WWC1: variants seen among roughly 807,000 people sequenced by gnomAD.
WWC1 encodes the protein WW and C2 domain containing 1.
In WWC1, 55 loss-of-function variants were observed where a neutral mutation model predicts 138.4. That is an observed-to-expected ratio of 0.40 (90% CI 0.32 to 0.50). WWC1 has a LOEUF of 0.50. Among genes scored for constraint, WWC1 ranks in the 20% least tolerant of loss-of-function variants. WWC1 has a pLI of 0.72. For missense variants in WWC1, 1,226 were observed against 1,420.4 expected (o/e 0.86, Z 2.20); for synonymous variants, 524 against 564.9 (o/e 0.93, Z 1.03).
intron 17 of WWC1, among the ~76,000 whole-genome samples, chr5:168,451,651 G>A (rs1479756036): frequency 6.6e-6 from 1 of 152,174 alleles, no homozygotes; most frequent in South Asian, 2.1e-4. Flanking sequence ...GCGACAGTGA[G>A]CTATGATCAC....
Position 168,292,223 on chromosome 5 carries a change from A to T in WWC1, c.71A>T (p.Tyr24Phe), listed in dbSNP as rs1034919767. Residue 24 changes from tyrosine to phenylalanine, a missense_variant, in exon 1 of 23, where the codon TAC (tyrosine) becomes TTC (phenylalanine). Coordinates refer to ENST00000265293, the MANE Select transcript of WWC1 (RefSeq NM_015238.3). The surrounding 1 kb of genome is among the most constrained non-coding windows in gnomAD (Gnocchi z 4.4). ...CGCGACTTCGACGGCAAGGTCTACTACATAGACCACACGAACCGCACCACC... is the reference window on the plus strand; with the variant it reads ...CGCGACTTCGACGGCAAGGTCTACTTCATAGACCACACGAACCGCACCACC... ...EARDFDGKVY[Y>F]IDHTNRTTSW... 2 of 1,588,292 alleles carry T rather than the reference A, an allele frequency of 1.3e-6. No homozygotes were observed. The highest frequency in any genetic ancestry group is 1.2e-5 in the South Asian group (1 of 86,952).
chr5:168,466,817 A>G (rs747201787), intron 21 of WWC1, among the ~76,000 whole-genome samples: 6 of 152,154 alleles, frequency 3.9e-5, no homozygotes, highest in South Asian at 2.1e-4. Context: ...ACAAGTGCCT[A>G]TGTGCCCTAC....
rs1757618869 is a variant in WWC1, at chr5:168,470,371, C to A, written c.*1354C>A. 6.6e-6 allele frequency: 1 copy of A among 152,106 alleles called. No individual in the cohort carries two copies. Among genetic ancestry groups the A allele is most frequent in the Non-Finnish European group, 1.5e-5 (1 of 68,080 alleles). The allele number at this position is 152,106 out of a possible 1,614,324, so 9.4% of individuals were successfully genotyped here. On this transcript the variant is annotated 3_prime_UTR_variant, in exon 23 of 23. Coordinates refer to ENST00000265293, the MANE Select transcript of WWC1 (RefSeq NM_015238.3). The stretch of plus-strand genomic sequence containing the variant: ...CTAACACGGTGAAACCCTGTCTCTA[C>A]TAAAAATACAAAAAATTAGCCGGCC...
At chr5:168,351,467 G>C (rs972779568) in intron 1 of WWC1, among the ~76,000 whole-genome samples, 1 of 152,140 alleles carries the variant, frequency 6.6e-6, no homozygotes, top group Non-Finnish European at 1.5e-5. Context: ...AATCCAACTC[G>C]GACCTTGTCT....
At chr5:168,359,033 GGTGTGTGTGTGTGTGT>G (rs58992917) in intron 1 of WWC1, among the ~76,000 whole-genome samples, 3 of 148,198 alleles carry the variant, frequency 2.0e-5, no homozygotes, top group Non-Finnish European at 4.5e-5. Flanking sequence ...GTGGTGGTGG[GGTGTGTGTGTGTGTGT>G]GTGTGTGTGT....
chr5:168,345,858 T>A (rs1774423013), intron 1 of WWC1, among the ~76,000 whole-genome samples: 1 of 152,178 alleles, frequency 6.6e-6, no homozygotes, highest in African/African-American at 2.4e-5. Flanking sequence ...TTTCCCCTGA[T>A]TAAGAGAGCA....
intron 16 of WWC1, among the ~76,000 whole-genome samples, chr5:168,443,450 A>T (rs780604496): frequency 3.3e-5 from 5 of 152,202 alleles, no homozygotes; most frequent in Non-Finnish European, 5.9e-5. Context: ...TGTACATCTC[A>T]TCAGCAAAGC....
chr5:168,427,889 T>C, intron 11 of WWC1, 144 bp from the exon 12 acceptor site: 1 of 576,824 alleles, frequency 1.7e-6, no homozygotes, highest in Non-Finnish European at 3.1e-6. Flanking sequence ...GAACCCGAAG[T>C]GGTCGAGGCT....
At chr5:168,313,370 C>T (rs1771287272) in intron 1 of WWC1, among the ~76,000 whole-genome samples, 1 of 152,064 alleles carries the variant, frequency 6.6e-6, no homozygotes, top group Non-Finnish European at 1.5e-5. Flanking sequence ...ATGGGTGGGT[C>T]ACCTGAGTTC....
chr5:168,459,095 A>G (rs1430058216), intron 19 of WWC1, among the ~76,000 whole-genome samples: 4 of 151,910 alleles, frequency 2.6e-5, no homozygotes, highest in Non-Finnish European at 5.9e-5. Flanking sequence ...CTCTACAAAA[A>G]ATGCAAAAAT....
In WWC1 at chr5:168,444,496, C is replaced by T. The variant is rs368543559; in HGVS notation, c.2436C>T (p.Asp812=). The T allele has an allele frequency of 1.7e-4, 268 of 1,571,478 alleles. No homozygotes were observed. Among genetic ancestry groups the T allele is most frequent in the Non-Finnish European group, 2.2e-4 (251 of 1,156,924 alleles). The change falls in exon 17 of 23, where the codon GAC becomes GAT. Residue 812 remains aspartate, a splice_region_variant and synonymous_variant. Transcript: ENST00000265293. ...MAPASGPAST[D]AVSALLEQTA... is the part of the protein sequence containing the mutation. ...CCCAGCAACCTTTGTCTCTATAGGA[C>T]GCTGTGTCTGCTCTGTTGGAACAGA...
chr5:168,309,627 C>T (rs570753089), intron 1 of WWC1, among the ~76,000 whole-genome samples: 1 of 152,232 alleles, frequency 6.6e-6, no homozygotes, highest in South Asian at 2.1e-4. Flanking sequence ...TCTGTTTATT[C>T]CTATAGAAGC....
At chr5:168,358,068 G>A (rs181352001) in intron 1 of WWC1, among the ~76,000 whole-genome samples, 2 of 152,278 alleles carry the variant, frequency 1.3e-5, no homozygotes, top group Admixed American at 6.5e-5. Flanking sequence ...CCTTGCATGT[G>A]GTGGGCCATG....
chr5:168,449,460 T>C (rs1215652057), intron 17 of WWC1, among the ~76,000 whole-genome samples: 1 of 152,168 alleles, frequency 6.6e-6, no homozygotes, highest in African/African-American at 2.4e-5. Flanking sequence ...TTGTGAGGTG[T>C]AGCACCTGGA....
intron 1 of WWC1, among the ~76,000 whole-genome samples, chr5:168,355,960 T>C (rs953222604): frequency 1.3e-5 from 2 of 151,780 alleles, no homozygotes; most frequent in Admixed American, 1.3e-4. Context: ...GAGAGAGATG[T>C]CAGTGATTCT....
intron 1 of WWC1, among the ~76,000 whole-genome samples, chr5:168,312,867 T>C (rs1771242018): frequency 6.6e-6 from 1 of 150,856 alleles, no homozygotes; most frequent in African/African-American, 2.4e-5. Context: ...CCAGGCTGGA[T>C]TGCAATGGCA....
At chr5:168,367,034 G>T (rs1322562375) in intron 1 of WWC1, among the ~76,000 whole-genome samples, 2 of 151,932 alleles carry the variant, frequency 1.3e-5, no homozygotes, top group Middle Eastern at 3.4e-3. Flanking sequence ...CTGACCTCGG[G>T]TGATCCACCC....
intron 6 of WWC1, among the ~76,000 whole-genome samples, chr5:168,406,725 G>A (rs1561718089): frequency 6.6e-6 from 1 of 151,846 alleles, no homozygotes; most frequent in Non-Finnish European, 1.5e-5. Context: ...GCGGATCATG[G>A]GGTCAGGAGA....
chr5:168,406,090 G>A, intron 5 of WWC1, 108 bp from the exon 6 acceptor site: 2 of 1,369,100 alleles, frequency 1.5e-6, no homozygotes, highest in South Asian at 1.4e-5. Flanking sequence ...AGGACAGAGG[G>A]AGGGGCCTTC....
Sources: allele counts gnomAD v4.1 joint callset (sites outside exome capture counted in the v4.1 genomes callset), GRCh38; gene constraint gnomAD v4.1.1; non-coding constraint Gnocchi (gnomAD v3.1); transcripts MANE v1.5; gene names NCBI Gene and HGNC (gene_info 2026-07-23, HGNC 2026-07-21).